Variants in MAP3K19 observed in about 807,000 individuals in gnomAD.
MAP3K19 encodes the protein SPS1/STE20-related protein kinase YSK4.
In MAP3K19, 91 loss-of-function variants were observed where a neutral mutation model predicts 114.4. The observed-to-expected ratio is 0.80, with a 90% CI of 0.67 to 0.95. The LOEUF (loss-of-function observed/expected upper bound fraction) is 0.95, where lower values mean the gene tolerates loss of function less well. Among genes scored for constraint, MAP3K19 ranks in the 40% least tolerant of loss-of-function variants. The pLI is 0.00. For missense variants in MAP3K19, 1,471 were observed against 1,573.2 expected (o/e 0.94, Z 1.10); for synonymous variants, 518 against 530.5 (o/e 0.98, Z 0.32).
intron 12 of MAP3K19, among the ~76,000 whole-genome samples, chr2:134,966,860 T>C (rs1285037266): frequency 6.6e-6 from 1 of 152,146 alleles, no homozygotes; most frequent in Non-Finnish European, 1.5e-5. Context: ...TCCATGGTCA[T>C]GGCCCAGCGG....
intron 4 of MAP3K19, among the ~76,000 whole-genome samples, chr2:135,024,166 G>A (rs372563651): frequency 2.2e-4 from 34 of 152,266 alleles, no homozygotes; most frequent in East Asian, 1.5e-3. Context: ...CTCTGCCCCC[G>A]AAGCTTCAAA....
chr2:135,033,492 A>G (rs1183188930), intron 2 of MAP3K19, among the ~76,000 whole-genome samples: 6 of 100,776 alleles, frequency 6.0e-5, no homozygotes, highest in African/African-American at 1.0e-4. Context: ...CTGGCCGGGC[A>G]GAGGGGCTCC....
At chr2:135,011,245 A>T (rs7589411) in intron 5 of MAP3K19, among the ~76,000 whole-genome samples, 38,277 of 151,926 alleles carry the variant, frequency 0.25, 6,011 homozygotes, top group African/African-American at 0.41. Flanking sequence ...AAAGGTTTTT[A>T]AAAAAAGTTT....
intron 5 of MAP3K19, 66 bp from the exon 6 acceptor site, chr2:135,005,597 G>T: frequency 8.0e-7 from 1 of 1,247,930 alleles, no homozygotes; most frequent in Non-Finnish European, 1.2e-6. Flanking sequence ...TTGGCAGAGT[G>T]AATGTTGATT....
At position 134,979,510 on chromosome 2, in the gene MAP3K19, G is replaced by A. The variant is rs543911919; in HGVS notation, c.3920+1311C>T. Among the ~76,000 whole-genome samples, 33 of 151,896 alleles carry A rather than the reference G, an allele frequency of 2.2e-4. No individual in the cohort carries two copies. In the South Asian group the frequency reaches 6.8e-3, roughly 32 times the overall value. On this transcript the variant is annotated intron_variant, in intron 12 of 12. Transcript: ENST00000392915. ...ACTTGAAAGAAAATGAGAATAACAAGTGGTTTCTAGCTGTGAGTCAATAAT... is the reference window on the plus strand; with the variant it reads ...ACTTGAAAGAAAATGAGAATAACAAATGGTTTCTAGCTGTGAGTCAATAAT...
chr2:135,017,951 T>C (rs1687685096), intron 5 of MAP3K19, among the ~76,000 whole-genome samples: 1 of 152,200 alleles, frequency 6.6e-6, no homozygotes. Flanking sequence ...AATTTTAAGA[T>C]GTCTGACTTC....
chr2:135,021,614 A>C, intron 5 of MAP3K19, 101 bp downstream of exon 5: 1 of 632,732 alleles, frequency 1.6e-6, no homozygotes, highest in East Asian at 3.0e-5. Context: ...ACACTTAAAA[A>C]TAAAATTGTA....
intron 3 of MAP3K19, among the ~76,000 whole-genome samples, chr2:135,027,282 AAAGG>A (rs529893532): frequency 1.5e-3 from 222 of 151,264 alleles, no homozygotes; most frequent in African/African-American, 3.8e-3. Flanking sequence ...AGAGAGAGAG[AAAGG>A]AAGGAAGGAA....
chr2:134,981,652 A>G, intron 11 of MAP3K19, 134 bp from the exon 12 acceptor site: 1 of 692,032 alleles, frequency 1.4e-6, no homozygotes, highest in East Asian at 2.7e-5. Context: ...TCCCTTCCTA[A>G]ATGCAAAGTG....
intron 2 of MAP3K19, 139 bp downstream of exon 2, chr2:135,040,222 ATC>A (rs1688620029): frequency 6.6e-6 from 1 of 152,594 alleles, no homozygotes; most frequent in South Asian, 2.1e-4. Context: ...GATTTACAGT[ATC>A]CACCTCCCCA....
chr2:134,988,094 G>A lies in MAP3K19; in HGVS notation c.778C>T (p.Pro260Ser). ...VSVRQSDELS[P>S]SNEPPGALVK... ...AGGGCTCCCGGAGGCTCGTTTGATG[G>A]GCTGAGCTCATCAGATTGACGAACA... Residue 260 changes from proline (P) to serine (S), a missense_variant, in exon 10 of 13, where the codon CCA (proline) becomes TCA (serine). Coordinates refer to ENST00000392915, the MANE Select transcript of MAP3K19 (RefSeq NM_025052.5). 1 of 1,614,084 alleles carries A rather than the reference G, an allele frequency of 6.2e-7. No individual in the cohort carries two copies.
chr2:135,021,956 G>C, intron 4 of MAP3K19, 126 bp from the exon 5 acceptor site: 1 of 553,874 alleles, frequency 1.8e-6, no homozygotes, highest in Non-Finnish European at 3.1e-6. Context: ...TAGTGGTCTG[G>C]GATCCTGATG....
At position 135,001,124 on chromosome 2, in the gene MAP3K19, T is replaced by TA. The variant is rs202144188; in HGVS notation, c.236-1110dup. The stretch of plus-strand genomic sequence containing the variant: ...GTGCCATTTAATGAAACAAGTGCAT[T>TA]AAAAAAAAAAACACAGTAAAAAATT... On this transcript the variant is annotated intron_variant, in intron 6 of 12. Coordinates refer to ENST00000392915, the MANE Select transcript of MAP3K19 (RefSeq NM_025052.5). Among the ~76,000 whole-genome samples, 1,425 of 145,852 alleles carry TA rather than the reference T, an allele frequency of 9.8e-3. 14 individuals carry two copies. Among genetic ancestry groups the TA allele is most frequent in the African/African-American group, 0.025 (1,017 of 40,154 alleles).
At position 134,981,375 on chromosome 2, in the gene MAP3K19, G is replaced by C; in HGVS notation, c.3366C>G (p.Asn1122Lys). The C allele has an allele frequency of 6.2e-7, 1 of 1,614,182 alleles. No homozygotes were observed. Among genetic ancestry groups the C allele is most frequent in the Non-Finnish European group, 8.5e-7 (1 of 1,180,032 alleles). ...AGCATGTCCCCAAATAGGCCACAAT[G>C]TTGACATGTTTCAGTGCTTTGAGCA... ...VDLLKALKHV[N>K]IVAYLGTCLQ... The change falls in exon 12 of 13, where the codon AAC (asparagine) becomes AAG (lysine). Residue 1122 changes from asparagine (N) to lysine (K), a missense_variant. Physicochemically the swap from Asn to Lys is moderately conservative, Grantham distance 94 (BLOSUM62 0). Coordinates refer to ENST00000392915, the MANE Select transcript of MAP3K19 (RefSeq NM_025052.5).
intron 9 of MAP3K19, among the ~76,000 whole-genome samples, chr2:134,990,587 C>T (rs1211670976): frequency 1.3e-5 from 2 of 151,992 alleles, no homozygotes; most frequent in Non-Finnish European, 2.9e-5. Context: ...AGCAATTCTC[C>T]TGCCTCAGCC....
At chr2:135,042,478 G>A (rs1470614112) in intron 1 of MAP3K19, among the ~76,000 whole-genome samples, 1 of 149,730 alleles carries the variant, frequency 6.7e-6, no homozygotes, top group East Asian at 2.0e-4. Flanking sequence ...CTCCAGCCTG[G>A]GCGACAGAGC....
chr2:134,996,710 C>G (rs765541266), intron 8 of MAP3K19, among the ~76,000 whole-genome samples: 46 of 152,020 alleles, frequency 3.0e-4, no homozygotes, highest in Non-Finnish European at 5.6e-4. Flanking sequence ...TATCATGCTG[C>G]GAAGGAAGAG....
chr2:135,015,788 G>A (rs1687547140), intron 5 of MAP3K19, among the ~76,000 whole-genome samples: 1 of 151,972 alleles, frequency 6.6e-6, no homozygotes, highest in Admixed American at 6.6e-5. Context: ...AGCAACTCGG[G>A]AGGCGGAGGC....
At chr2:135,014,460 G>A (rs1687452578) in intron 5 of MAP3K19, among the ~76,000 whole-genome samples, 1 of 152,158 alleles carries the variant, frequency 6.6e-6, no homozygotes, top group Non-Finnish European at 1.5e-5. Context: ...GAGTAGCTGG[G>A]ACCACAGGTA....
Sources: gnomAD v4.1 joint callset for allele counts (sites outside exome capture counted in the v4.1 genomes callset) on GRCh38, gnomAD v4.1.1 for gene constraint, MANE v1.5 for transcripts, NCBI Gene and HGNC (gene_info 2026-07-23, HGNC 2026-07-21) for gene names.